Variants in AP2M1 observed in about 807,000 individuals in gnomAD.
AP2M1 encodes the protein AP-2 complex subunit mu.
In AP2M1, 5 loss-of-function variants were observed where a neutral mutation model predicts 54.5. That is an observed-to-expected ratio of 0.09 (90% confidence interval 0.05 to 0.19). The LOEUF (loss-of-function observed/expected upper bound fraction) is 0.19, where lower values mean the gene tolerates loss of function less well. Among genes scored for constraint, AP2M1 ranks in the 10% least tolerant of loss-of-function variants. The probability of loss-of-function intolerance (pLI) is 1.00; values close to 1 mark genes in which losing one functional copy is unlikely to be tolerated. For missense variants in AP2M1, 178 were observed against 580.2 expected, an observed-to-expected ratio of 0.31 and a Z score of 7.12; for synonymous variants, 186 against 208.2, an observed-to-expected ratio of 0.89 and a Z score of 0.92.
Position 184,180,013 on chromosome 3 carries a change from C to G in AP2M1, c.341-156C>G. 2 of 685,754 alleles carry G rather than the reference C, an allele frequency of 2.9e-6. No homozygotes were observed. The highest frequency in any genetic ancestry group is 5.0e-6 in the Non-Finnish European group (2 of 403,550). 42.5% of individuals were successfully genotyped at this position (685,754 alleles called of 1,614,324 possible). A position where few individuals can be genotyped will look rare whatever the true frequency, so the allele number is the denominator to read the frequency against. On this transcript the variant is annotated intron_variant, in intron 3 of 11. Transcript: ENST00000292807. The surrounding 1 kb of genome is among the most constrained non-coding windows in gnomAD (Gnocchi z 4.9). ...ACATTTGAATTGTTTTCCTGTAAAG[C>G]ACAAATCACAGAATAAATGCTACAA...
intron 2 of AP2M1, chr3:184,177,997 C>T: frequency 1.5e-6 from 1 of 651,852 alleles, no homozygotes; most frequent in Non-Finnish European, 2.8e-6. Flanking sequence ...CCTGTCTGAA[C>T]CTGGCTGGCT....
rs974143445 is a variant in AP2M1, at chr3:184,178,398, C to T, written c.75-459C>T. 1.3e-5 allele frequency among the ~76,000 whole-genome samples: 2 copies of T among 152,230 alleles called. No individual in the cohort carries two copies. The highest frequency in any genetic ancestry group is 2.4e-5 in the African/African-American group (1 of 41,452). On this transcript the variant is annotated intron_variant, in intron 2 of 11. Transcript: ENST00000292807. The surrounding 1 kb of genome is among the most constrained non-coding windows in gnomAD (Gnocchi z 4.9). ...TCTCCCTCCTTTGTGACTTCTGAAG[C>T]CATGCTGGCTTTGTCTAACATCTGG...
In AP2M1 at chr3:184,178,869, G is replaced by A; in HGVS notation, c.87G>A (p.Val29=). 1 of 1,614,038 alleles carries A rather than the reference G, an allele frequency of 6.2e-7. No individual in the cohort carries two copies. The highest frequency in any genetic ancestry group is 8.5e-7 in the Non-Finnish European group (1 of 1,180,012). The change falls in exon 3 of 12, where the codon GTG becomes GTA. Residue 29 remains valine, a synonymous_variant. Coordinates refer to ENST00000292807, the MANE Select transcript of AP2M1 (RefSeq NM_004068.4). The surrounding 1 kb of genome is among the most constrained non-coding windows in gnomAD (Gnocchi z 4.9). Reference sequence around the variant, plus strand: ...TCTTTTCCCTCAGGAGGAACGCAGTGGATGCCTTTCGGGTCAATGTTATCC... The same window carrying A: ...TCTTTTCCCTCAGGAGGAACGCAGTAGATGCCTTTCGGGTCAATGTTATCC... ...VYRDDIGRNA[V]DAFRVNVIHA...
At chr3:184,179,402 T>G (rs1715195438) in intron 3 of AP2M1, 1 of 433,546 alleles carries the variant, frequency 2.3e-6, no homozygotes. Context: ...CCTGTATTCA[T>G]CCTCTTTCCT....
At position 184,179,003 on chromosome 3, in the gene AP2M1, A is replaced by G; in HGVS notation, c.221A>G (p.Asn74Ser). Residue 74 changes from asparagine (N) to serine (S), a missense_variant, in exon 3 of 12, where the codon AAC (asparagine) becomes AGC (serine). Around this residue, in one of 5 missense-constraint regions of AP2M1, gnomAD observed 115 missense variants for 331.2 expected, o/e 0.35. Transcript: ENST00000292807. ...WLAAVTKQNV[N>S]AAMVFEFLYK... Reference sequence around the variant, plus strand: ...GCAGCAGTCACCAAGCAGAATGTCAACGCTGCCATGGTCTTCGAATTCCTC... The same window carrying G: ...GCAGCAGTCACCAAGCAGAATGTCAGCGCTGCCATGGTCTTCGAATTCCTC... 3 of 1,614,192 alleles carry G rather than the reference A, an allele frequency of 1.9e-6. No individual in the cohort carries two copies. Among genetic ancestry groups the G allele is most frequent in the Non-Finnish European group, 2.5e-6 (3 of 1,180,030 alleles).
In AP2M1 at chr3:184,181,367, C is replaced by G. The variant is rs1715268783; in HGVS notation, c.707+141C>G. The G allele has an allele frequency of 2.3e-6, 3 of 1,298,310 alleles. No individual in the cohort carries two copies. The highest frequency in any genetic ancestry group is 3.2e-6 in the Non-Finnish European group (3 of 932,832). 80.4% of individuals were successfully genotyped at this position (1,298,310 alleles called of 1,614,324 possible). Reference sequence around the variant, plus strand: ...CTGACGGTAAGCCTGGCTGTTCGCTCTTGACATTAGTGCTACGAGAGATGA... The same window carrying G: ...CTGACGGTAAGCCTGGCTGTTCGCTGTTGACATTAGTGCTACGAGAGATGA... On this transcript the variant is annotated intron_variant, in intron 7 of 11. Transcript: ENST00000292807. The surrounding 1 kb of genome is among the most constrained non-coding windows in gnomAD (Gnocchi z 5.7).
chr3:184,182,199 A>T lies in AP2M1; in HGVS notation c.1012A>T (p.Met338Leu). 1 of 1,614,188 alleles carries T rather than the reference A, an allele frequency of 6.2e-7. No homozygotes were observed. The highest frequency in any genetic ancestry group is 2.2e-5 in the East Asian group (1 of 44,882). The change falls in exon 10 of 12, where the codon ATG becomes TTG. Residue 338 changes from methionine to leucine, a missense_variant. Met to Leu is a conservative substitution (Grantham distance 15, BLOSUM62 2). Coordinates refer to ENST00000292807, the MANE Select transcript of AP2M1 (RefSeq NM_004068.4). The surrounding 1 kb of genome is among the most constrained non-coding windows in gnomAD (Gnocchi z 5.5). ...CACAAGCGGGGTGCAGGTGATCTGC[A>T]TGAAGGGGAAGGCCAAGTACAAGGC... ...LNTSGVQVIC[M>L]KGKAKYKASE...
chr3:184,180,432 C>A lies in AP2M1; in HGVS notation c.423+181C>A. 1 of 1,036,162 alleles carries A rather than the reference C, an allele frequency of 9.7e-7. No homozygotes were observed. The highest frequency in any genetic ancestry group is 1.4e-6 in the Non-Finnish European group (1 of 710,862). 64.2% of individuals were successfully genotyped at this position (1,036,162 alleles called of 1,614,324 possible). A position where few individuals can be genotyped will look rare whatever the true frequency, so the allele number is the denominator to read the frequency against. ...TGTGGTCCTCCCACTGCAGGAGCAGCCAATTCAGCATCTCTATTACCAGGA... is the reference window on the plus strand; with the variant it reads ...TGTGGTCCTCCCACTGCAGGAGCAGACAATTCAGCATCTCTATTACCAGGA... On this transcript the variant is annotated intron_variant, in intron 4 of 11. Coordinates refer to ENST00000292807, the MANE Select transcript of AP2M1 (RefSeq NM_004068.4). This position sits in a 1 kb window ranked among gnomAD's most constrained non-coding sequence, Gnocchi z 4.9.
chr3:184,182,278 G>A lies in AP2M1; in HGVS notation c.1061+30G>A. The A allele has an allele frequency of 2.5e-6, 4 of 1,607,430 alleles. No individual in the cohort carries two copies. The highest frequency in any genetic ancestry group is 3.4e-6 in the Non-Finnish European group (4 of 1,176,190). On this transcript the variant is annotated intron_variant, in intron 10 of 11. Coordinates refer to ENST00000292807, the MANE Select transcript of AP2M1 (RefSeq NM_004068.4). The surrounding 1 kb of genome is among the most constrained non-coding windows in gnomAD (Gnocchi z 5.5). ...GTCTTTCCTTCATTAGGCCACAGCAGGGCTCAAGATCCCAGTATACCCTCT... is the reference window on the plus strand; with the variant it reads ...GTCTTTCCTTCATTAGGCCACAGCAAGGCTCAAGATCCCAGTATACCCTCT...
chr3:184,176,835 GGGTC>G, intron 1 of AP2M1, 112 bp from the exon 2 acceptor site: 1 of 632,938 alleles, frequency 1.6e-6, no homozygotes, highest in South Asian at 2.2e-5. Flanking sequence ...GAGGGCTGCA[GGGTC>G]ACTTACTAAA....
chr3:184,182,734 G>GCCCATTGT lies in AP2M1; in HGVS notation c.1062-19_1062-12dup. ...AAACTCCTCCAAGCCCCAATGGGCT[G>GCCCATTGT]CCCATTGTCCCTGTGTTCCCAGGAT... On this transcript the variant is annotated intron_variant, in intron 10 of 11. Coordinates refer to ENST00000292807, the MANE Select transcript of AP2M1 (RefSeq NM_004068.4). The surrounding 1 kb of genome is among the most constrained non-coding windows in gnomAD (Gnocchi z 5.5). The GCCCATTGT allele has an allele frequency of 6.2e-7, 1 of 1,607,950 alleles. No homozygotes were observed. The highest frequency in any genetic ancestry group is 1.1e-5 in the South Asian group (1 of 90,930).
rs1715237272 is a variant in AP2M1, at chr3:184,180,502, A to T, written c.424-143A>T. On this transcript the variant is annotated intron_variant, in intron 4 of 11. Coordinates refer to ENST00000292807, the MANE Select transcript of AP2M1 (RefSeq NM_004068.4). The surrounding 1 kb of genome is among the most constrained non-coding windows in gnomAD (Gnocchi z 4.9). Reference sequence around the variant, plus strand: ...CTTTTGCACTGAGGGGTGGGGGAGGAGGCCTGGTCTTGAGGCCTGGTATTC... The same window carrying T: ...CTTTTGCACTGAGGGGTGGGGGAGGTGGCCTGGTCTTGAGGCCTGGTATTC... 3.8e-6 allele frequency: 5 copies of T among 1,320,694 alleles called. No homozygotes were observed. In the South Asian group the frequency reaches 6.7e-5, roughly 18 times the overall value. The allele number at this position is 1,320,694 out of a possible 1,614,324, so 81.8% of individuals were successfully genotyped here. A position where few individuals can be genotyped will look rare whatever the true frequency, so the allele number is the denominator to read the frequency against.
At chr3:184,179,351 C>A in intron 3 of AP2M1, 1 of 564,430 alleles carries the variant, frequency 1.8e-6, no homozygotes, top group Non-Finnish European at 3.1e-6. Context: ...GGTGATCTTC[C>A]AAGGGGCTAG....
chr3:184,182,899 C>A lies in AP2M1; in HGVS notation c.1173+31C>A. The A allele has an allele frequency of 6.3e-7, 1 of 1,579,466 alleles. No individual in the cohort carries two copies. The highest frequency in any genetic ancestry group is 2.2e-5 in the East Asian group (1 of 44,700). ...GCAGAGGAGGGGCCTAGAGTCATGC[C>A]AGGGTATGCTGGAAGACCTCTTAGA... On this transcript the variant is annotated intron_variant, in intron 11 of 11. Transcript: ENST00000292807. This position sits in a 1 kb window ranked among gnomAD's most constrained non-coding sequence, Gnocchi z 5.5.
chr3:184,182,641 C>T lies in AP2M1; in HGVS notation c.1062-116C>T. ...GTGGTTAGCAGGGTCCTGACCACTT[C>T]TCCTTGTTCTGGCACCTCCTGCAAG... On this transcript the variant is annotated intron_variant, in intron 10 of 11. Transcript: ENST00000292807. The surrounding 1 kb of genome is among the most constrained non-coding windows in gnomAD (Gnocchi z 5.5). The T allele has an allele frequency of 1.2e-6, 1 of 812,298 alleles. No individual in the cohort carries two copies. The highest frequency in any genetic ancestry group is 2.0e-6 in the Non-Finnish European group (1 of 502,774). 50.3% of individuals were successfully genotyped at this position (812,298 alleles called of 1,614,324 possible).
In AP2M1 at chr3:184,182,639, T is replaced by C; in HGVS notation, c.1062-118T>C. The C allele has an allele frequency of 1.3e-6, 1 of 799,980 alleles. No individual in the cohort carries two copies. The highest frequency in any genetic ancestry group is 2.0e-6 in the Non-Finnish European group (1 of 492,256). 49.6% of individuals were successfully genotyped at this position (799,980 alleles called of 1,614,324 possible). ...AAGTGGTTAGCAGGGTCCTGACCAC[T>C]TCTCCTTGTTCTGGCACCTCCTGCA... On this transcript the variant is annotated intron_variant, in intron 10 of 11. Coordinates refer to ENST00000292807, the MANE Select transcript of AP2M1 (RefSeq NM_004068.4). This position sits in a 1 kb window ranked among gnomAD's most constrained non-coding sequence, Gnocchi z 5.5.
In AP2M1 at chr3:184,177,086, C is replaced by A; in HGVS notation, c.74+19C>A. Reference sequence around the variant, plus strand: ...ACATCGGGTGAGTCCCCTGGCGGAGCCAGCTGTGCCCCACCACTCCAGCCC... The same window carrying A: ...ACATCGGGTGAGTCCCCTGGCGGAGACAGCTGTGCCCCACCACTCCAGCCC... On this transcript the variant is annotated intron_variant, in intron 2 of 11. Transcript: ENST00000292807. 2 of 1,609,478 alleles carry A rather than the reference C, an allele frequency of 1.2e-6. No individual in the cohort carries two copies. Among genetic ancestry groups the A allele is most frequent in the Non-Finnish European group, 1.7e-6 (2 of 1,177,400 alleles).
intron 2 of AP2M1, chr3:184,177,659 C>T: frequency 6.7e-7 from 1 of 1,501,190 alleles, no homozygotes; most frequent in Non-Finnish European, 9.0e-7. Flanking sequence ...AGCCATGCTA[C>T]CCTCTCAGTA....
At position 184,183,604 on chromosome 3, in the gene AP2M1, A is replaced by G. The variant is rs2109032926; in HGVS notation, c.1296A>G (p.Glu432=). ...VRYIGRSGIY[E]TRC Reference sequence around the variant, plus strand: ...ACATTGGCCGCAGTGGCATTTATGAAACTCGCTGCTAGCTGCCACTAGGCA... The same window carrying G: ...ACATTGGCCGCAGTGGCATTTATGAGACTCGCTGCTAGCTGCCACTAGGCA... Residue 432 remains glutamate, a synonymous_variant, in exon 12 of 12, where the codon GAA becomes GAG. Transcript: ENST00000292807. This position sits in a 1 kb window ranked among gnomAD's most constrained non-coding sequence, Gnocchi z 5.7. 2 of 1,613,466 alleles carry G rather than the reference A, an allele frequency of 1.2e-6. No homozygotes were observed.
Sources: allele counts gnomAD v4.1 joint callset (sites outside exome capture counted in the v4.1 genomes callset), GRCh38; gene constraint gnomAD v4.1.1; regional missense constraint gnomAD v4.1.1; non-coding constraint Gnocchi (gnomAD v3.1); transcripts MANE v1.5; gene names NCBI Gene and HGNC (gene_info 2026-07-23, HGNC 2026-07-21).